Variants in TTLL11 observed in about 807,000 individuals in gnomAD.
TTLL11 encodes the protein tubulin polyglutamylase TTLL11.
A neutral mutation model predicts 51.7 loss-of-function variants in TTLL11; 42 were observed. The observed-to-expected ratio is 0.81, with a 90% CI of 0.64 to 1.05. The LOEUF (loss-of-function observed/expected upper bound fraction) is 1.05, where lower values mean the gene tolerates loss of function less well. Among genes scored for constraint, TTLL11 ranks in the 50% least tolerant of loss-of-function variants. The probability of loss-of-function intolerance (pLI) is 0.00; values close to 1 mark genes in which losing one functional copy is unlikely to be tolerated. For synonymous variants in TTLL11, 381 were observed against 383.5 expected (o/e 0.99, Z 0.08); for missense variants, 799 against 940.4 (o/e 0.85, Z 1.97).
chr9:121,942,750 T>A (rs554166524), intron 6 of TTLL11, among the ~76,000 whole-genome samples: 117 of 148,558 alleles, frequency 7.9e-4, no homozygotes, highest in African/African-American at 2.8e-3. Flanking sequence ...TTTTTTTTTT[T>A]TTTTTTTTTT....
intron 6 of TTLL11, among the ~76,000 whole-genome samples, chr9:121,919,936 A>G (rs1244731965): frequency 6.6e-6 from 1 of 152,002 alleles, no homozygotes; most frequent in East Asian, 1.9e-4. Flanking sequence ...ACACTTTAAT[A>G]CTGTTTAACT....
intron 4 of TTLL11, among the ~76,000 whole-genome samples, chr9:121,976,890 A>G (rs1842725286): frequency 6.6e-6 from 1 of 152,232 alleles, no homozygotes; most frequent in Non-Finnish European, 1.5e-5. Context: ...GTGAGTGATG[A>G]GGCCTTTTAG....
intron 1 of TTLL11, among the ~76,000 whole-genome samples, chr9:122,092,350 G>GC (rs1846282458): frequency 6.6e-6 from 1 of 152,154 alleles, no homozygotes; most frequent in Non-Finnish European, 1.5e-5. Context: ...CGGGTCCGGG[G>GC]CCCCAGGGGC....
At chr9:122,090,810 T>C (rs1296938847) in intron 1 of TTLL11, among the ~76,000 whole-genome samples, 2 of 151,736 alleles carry the variant, frequency 1.3e-5, no homozygotes, top group African/African-American at 2.4e-5. Flanking sequence ...TTTAGTACTA[T>C]GGAAAAAAAA....
At position 121,820,018 on chromosome 9, in the gene TTLL11, G is replaced by C. The variant is rs1407556245; in HGVS notation, c.*2569C>G. 6.6e-6 allele frequency among the ~76,000 whole-genome samples: 1 copy of C among 152,158 alleles called. No individual in the cohort carries two copies. Among genetic ancestry groups the C allele is most frequent in the Non-Finnish European group, 1.5e-5 (1 of 68,036 alleles). On this transcript the variant is annotated 3_prime_UTR_variant, in exon 9 of 9. Coordinates refer to ENST00000321582, the MANE Select transcript of TTLL11 (RefSeq NM_001139442.2). The stretch of plus-strand genomic sequence containing the variant: ...CCCTAACAATCAGCAGGGAGGCTCT[G>C]TGCCCTGCGGGTGGGTGGGGCTATC...
chr9:122,011,506 C>T (rs772434245), intron 3 of TTLL11, among the ~76,000 whole-genome samples: 1 of 152,016 alleles, frequency 6.6e-6, no homozygotes, highest in Non-Finnish European at 1.5e-5. Context: ...TAAAAAATTA[C>T]AATTTTAAAA....
Position 121,989,678 on chromosome 9 carries a change from A to T in TTLL11, c.786T>A (p.Ile262=). Residue 262 remains isoleucine (I), a synonymous_variant, in exon 4 of 9, where the codon ATT becomes ATA. Transcript: ENST00000321582. The surrounding 1 kb of genome is among the most constrained non-coding windows in gnomAD (Gnocchi z 4.2). ...CCAGGCGGATGTCACTGGGGTCTTTAATGAGGTAGATTCCATCACCCTGAC... is the reference window on the plus strand; with the variant it reads ...CCAGGCGGATGTCACTGGGGTCTTTTATGAGGTAGATTCCATCACCCTGAC... ...GGCQGDGIYL[I]KDPSDIRLAG... 1 of 1,614,118 alleles carries T rather than the reference A, an allele frequency of 6.2e-7. No homozygotes were observed. Among genetic ancestry groups the T allele is most frequent in the Non-Finnish European group, 8.5e-7 (1 of 1,180,016 alleles).
intron 3 of TTLL11, among the ~76,000 whole-genome samples, chr9:122,024,609 T>A (rs78451722): frequency 0.044 from 6,704 of 152,268 alleles, 175 homozygotes; most frequent in African/African-American, 0.074. Flanking sequence ...GAATACAGAA[T>A]TCAGAAATAT....
At position 122,028,480 on chromosome 9, in the gene TTLL11, T is replaced by C. The variant is rs554299493; in HGVS notation, c.693+3243A>G. Reference sequence around the variant, plus strand: ...CAGACAAAATAGACTTCAGGACAAGTTACTGATAAAGGAGTCAAATCATCA... The same window carrying C: ...CAGACAAAATAGACTTCAGGACAAGCTACTGATAAAGGAGTCAAATCATCA... On this transcript the variant is annotated intron_variant, in intron 3 of 8. Transcript: ENST00000321582. Among the ~76,000 whole-genome samples, 9 of 152,218 alleles carry C rather than the reference T, an allele frequency of 5.9e-5. No homozygotes were observed. The South Asian group carries it at 1.7e-3, about 28-fold the overall frequency.
At chr9:122,054,940 T>C (rs1262428182) in intron 1 of TTLL11, among the ~76,000 whole-genome samples, 1 of 152,196 alleles carries the variant, frequency 6.6e-6, no homozygotes, top group Non-Finnish European at 1.5e-5. Flanking sequence ...AGGGCAGCTT[T>C]TCCCCAGTTA....
chr9:121,901,343 C>A (rs1022468666), intron 6 of TTLL11, among the ~76,000 whole-genome samples: 1 of 151,622 alleles, frequency 6.6e-6, no homozygotes, highest in African/African-American at 2.4e-5. Context: ...TTTTTTCTTG[C>A]CTGATTGCTC....
intron 1 of TTLL11, among the ~76,000 whole-genome samples, chr9:122,042,292 C>T (rs6478554): frequency 0.038 from 5,862 of 152,278 alleles, 117 homozygotes; most frequent in African/African-American, 0.057. Flanking sequence ...TGAGTCACTG[C>T]GCCCAGGCTG....
chr9:122,085,245 G>A (rs1241138368), intron 1 of TTLL11, among the ~76,000 whole-genome samples: 1 of 152,134 alleles, frequency 6.6e-6, no homozygotes, highest in African/African-American at 2.4e-5. Context: ...GGGCAACAGA[G>A]CGAGACTCCA....
At chr9:121,870,068 T>C (rs1054145150) in intron 7 of TTLL11, among the ~76,000 whole-genome samples, 2 of 152,244 alleles carry the variant, frequency 1.3e-5, no homozygotes, top group African/African-American at 2.4e-5. Context: ...AGCTGAGTTA[T>C]TTAACTTTTC....
At chr9:122,091,278 C>T (rs1393792907) in intron 1 of TTLL11, among the ~76,000 whole-genome samples, 5 of 152,250 alleles carry the variant, frequency 3.3e-5, no homozygotes, top group Non-Finnish European at 7.3e-5. Flanking sequence ...GACCACGGCA[C>T]TGACAAGTTG....
intron 6 of TTLL11, among the ~76,000 whole-genome samples, chr9:121,951,539 C>A (rs1314124124): frequency 6.6e-6 from 1 of 152,026 alleles, no homozygotes; most frequent in Non-Finnish European, 1.5e-5. Context: ...ATTTATGGAG[C>A]ACTCATCATG....
intron 6 of TTLL11, among the ~76,000 whole-genome samples, chr9:121,958,754 C>T (rs925253658): frequency 9.2e-5 from 14 of 152,198 alleles, no homozygotes; most frequent in African/African-American, 3.4e-4. Context: ...TCCTGACTAC[C>T]TTGCGTGGTT....
chr9:121,940,973 G>A (rs1365747208), intron 6 of TTLL11, among the ~76,000 whole-genome samples: 2 of 152,156 alleles, frequency 1.3e-5, no homozygotes, highest in South Asian at 2.1e-4. Context: ...GGCAGAAGCC[G>A]GCTATATTTG....
intron 6 of TTLL11, among the ~76,000 whole-genome samples, chr9:121,888,051 G>A (rs952966241): frequency 2.6e-5 from 4 of 152,160 alleles, no homozygotes; most frequent in African/African-American, 9.7e-5. Context: ...CTGGCCTGCA[G>A]CCTTGGCCCA....
Sources: gnomAD v4.1 joint callset for allele counts (sites outside exome capture counted in the v4.1 genomes callset) on GRCh38, gnomAD v4.1.1 for gene constraint, Gnocchi (gnomAD v3.1) non-coding constraint, MANE v1.5 for transcripts, NCBI Gene and HGNC (gene_info 2026-07-23, HGNC 2026-07-21) for gene names.